Variants in QRICH1 observed in about 807,000 individuals in gnomAD.
QRICH1 encodes glutamine rich 1.
In QRICH1, 16 loss-of-function variants were observed where a neutral mutation model predicts 87.1. That is an observed-to-expected ratio of 0.18 (90% confidence interval 0.12 to 0.28). The LOEUF (loss-of-function observed/expected upper bound fraction) is 0.28, where lower values mean the gene tolerates loss of function less well. QRICH1 is among the 10% of genes least tolerant of loss of function. The probability of loss-of-function intolerance (pLI) is 1.00; values close to 1 mark genes in which losing one functional copy is unlikely to be tolerated. For synonymous variants in QRICH1, 367 were observed against 368.4 expected (o/e 1.00, Z 0.05); for missense variants, 647 against 951.7 (o/e 0.68, Z 4.21).
At chr3:49,048,437 T>C (rs2093351008) in intron 3 of QRICH1, among the ~76,000 whole-genome samples, 2 of 149,528 alleles carry the variant, frequency 1.3e-5, no homozygotes, top group African/African-American at 4.9e-5. Context: ...GAGCACTGAT[T>C]CTTAAACTGG....
chr3:49,060,123 T>C (rs2093426457), intron 2 of QRICH1, among the ~76,000 whole-genome samples: 1 of 151,546 alleles, frequency 6.6e-6, no homozygotes, highest in Non-Finnish European at 1.5e-5. Flanking sequence ...GACCTCATGA[T>C]CCGCCCACCT....
chr3:49,092,413 T>A (rs1341324683), intron 1 of QRICH1: 1 of 152,128 alleles, frequency 6.6e-6, no homozygotes, highest in Non-Finnish European at 1.5e-5. Flanking sequence ...CCATGTTGCA[T>A]GTATTTCTGC....
At chr3:49,032,142 A>G in intron 9 of QRICH1, 41 bp downstream of exon 9, 1 of 1,455,966 alleles carries the variant, frequency 6.9e-7, no homozygotes, top group Non-Finnish European at 9.6e-7. Context: ...GCATACACAC[A>G]CATGCGCACA....
chr3:49,056,700 T>C (rs761184557), intron 3 of QRICH1, 162 bp downstream of exon 3: 3 of 1,246,492 alleles, frequency 2.4e-6, no homozygotes, highest in Non-Finnish European at 3.3e-6. Context: ...TTCTGTTGCA[T>C]AGCCTCACGT....
At chr3:49,041,498 A>G (rs2093309551) in intron 6 of QRICH1, among the ~76,000 whole-genome samples, 1 of 151,606 alleles carries the variant, frequency 6.6e-6, no homozygotes, top group South Asian at 2.1e-4. Flanking sequence ...CAGCCTAGAT[A>G]TTTATTATGA....
intron 3 of QRICH1, among the ~76,000 whole-genome samples, chr3:49,047,857 G>A (rs2093347748): frequency 6.6e-6 from 1 of 151,814 alleles, no homozygotes; most frequent in African/African-American, 2.4e-5. Flanking sequence ...GGTATCAATT[G>A]TTTAAAAACT....
intron 2 of QRICH1, among the ~76,000 whole-genome samples, chr3:49,058,256 T>C (rs563700236): frequency 6.6e-6 from 1 of 152,098 alleles, no homozygotes; most frequent in African/African-American, 2.4e-5. Flanking sequence ...ATCAAGCGAT[T>C]CTCCTGCCTC....
chr3:49,059,181 G>A (rs2106912469), intron 2 of QRICH1, among the ~76,000 whole-genome samples: 1 of 150,036 alleles, frequency 6.7e-6, no homozygotes, highest in East Asian at 2.0e-4. Context: ...TAGCCAGGAT[G>A]GTCTCCATCT....
At chr3:49,051,131 T>C (rs940376946) in intron 3 of QRICH1, among the ~76,000 whole-genome samples, 3 of 152,178 alleles carry the variant, frequency 2.0e-5, no homozygotes, top group African/African-American at 4.8e-5. Context: ...CTCCAATCAC[T>C]ATTCTGTCTA....
At chr3:49,061,636 T>C (rs1435445290) in intron 2 of QRICH1, among the ~76,000 whole-genome samples, 1 of 152,018 alleles carries the variant, frequency 6.6e-6, no homozygotes, top group Admixed American at 6.6e-5. Context: ...GTGGATCACC[T>C]GAGGTCAGGA....
At chr3:49,087,818 C>CAAAAACAAAAAAAA (rs2042195548) in intron 1 of QRICH1, among the ~76,000 whole-genome samples, 1 of 47,676 alleles carries the variant, frequency 2.1e-5, no homozygotes, top group African/African-American at 8.7e-5. Context: ...AGGTTCATCT[C>CAAAAACAAAAAAAA]AAAAAAAAAA....
At chr3:49,080,808 G>T (rs1010345131) in intron 1 of QRICH1, among the ~76,000 whole-genome samples, 7 of 150,494 alleles carry the variant, frequency 4.7e-5, no homozygotes, top group African/African-American at 1.7e-4. Flanking sequence ...TTTCTTGGGG[G>T]GTTGGGGACA....
chr3:49,091,433 A>C (rs1217826211), intron 1 of QRICH1, among the ~76,000 whole-genome samples: 1 of 152,220 alleles, frequency 6.6e-6, no homozygotes, highest in Non-Finnish European at 1.5e-5. Flanking sequence ...AAGTAAGGAA[A>C]GACATCCCTG....
intron 2 of QRICH1, among the ~76,000 whole-genome samples, chr3:49,075,921 ACT>A (rs752631070): frequency 3.1e-4 from 47 of 151,788 alleles, no homozygotes; most frequent in Non-Finnish European, 5.9e-4. Context: ...ACAGAATGAG[ACT>A]CTGTCTCAAA....
intron 1 of QRICH1, among the ~76,000 whole-genome samples, chr3:49,093,073 G>A (rs1452743006): frequency 1.3e-5 from 2 of 152,180 alleles, no homozygotes; most frequent in South Asian, 2.1e-4. Flanking sequence ...GCTTATGGAC[G>A]TATTAGTTTC....
chr3:49,056,012 G>A (rs1408090937), intron 3 of QRICH1, among the ~76,000 whole-genome samples: 1 of 150,328 alleles, frequency 6.7e-6, no homozygotes, highest in Non-Finnish European at 1.5e-5. Context: ...TTTTGCTCCT[G>A]TTGTCCAGGC....
At chr3:49,067,161 C>T (rs2093473398) in intron 2 of QRICH1, among the ~76,000 whole-genome samples, 1 of 152,200 alleles carries the variant, frequency 6.6e-6, no homozygotes, top group Admixed American at 6.6e-5. Flanking sequence ...CAATCCACCT[C>T]CTAAGTGGTG....
At chr3:49,062,897 G>A (rs576612342) in intron 2 of QRICH1, among the ~76,000 whole-genome samples, 1 of 151,942 alleles carries the variant, frequency 6.6e-6, no homozygotes, top group South Asian at 2.1e-4. Flanking sequence ...CTACTCGGGA[G>A]GCTGAGACAG....
In QRICH1 at chr3:49,030,408, T is replaced by TG. The variant is rs536172121; in HGVS notation, c.*43dup. The TG allele has an allele frequency of 6.0e-4, 948 of 1,579,714 alleles. 7 individuals are homozygous for TG. The Admixed American group carries it at 0.015, about 25-fold the overall frequency. ...CTCTTCTTTAGTGTGAAAGTCTGTC[T>TG]GGTTTTTCCTGGCTGGTTTCTCTTG... On this transcript the variant is annotated 3_prime_UTR_variant, in exon 10 of 10. Coordinates refer to ENST00000395443, the MANE Select transcript of QRICH1 (RefSeq NM_198880.3).
Sources: allele counts gnomAD v4.1 joint callset (sites outside exome capture counted in the v4.1 genomes callset), GRCh38; gene constraint gnomAD v4.1.1; transcripts MANE v1.5; gene names NCBI Gene and HGNC (gene_info 2026-07-23, HGNC 2026-07-21).